LEMD3: variants seen among roughly 807,000 people sequenced by gnomAD.
LEMD3 encodes the protein inner nuclear membrane protein Man1.
Under a neutral mutation model 95.2 loss-of-function variants are expected in LEMD3, and 33 were observed. The ratio of observed to expected loss-of-function variants is 0.35; its 90% CI spans 0.26 to 0.46. The LOEUF is 0.46. Ranked by LOEUF, LEMD3 falls within the 20% of genes least tolerant of loss-of-function variation. The pLI, the probability that LEMD3 is intolerant of heterozygous loss-of-function variation, is 1.00. For missense variants in LEMD3, 1,210 were observed against 1,192.8 expected (o/e 1.01, Z -0.21); for synonymous variants, 525 against 474.6 (o/e 1.11, Z -1.38).
chr12:65,247,002 G>A lies in LEMD3; in HGVS notation c.*677G>A, dbSNP rs1358358190. ...TTCCATTTTATTCATAATCTAATGT[G>A]TGTGTATATATGTATGTGTGTATGT... On this transcript the variant is annotated 3_prime_UTR_variant, in exon 13 of 13. Coordinates refer to ENST00000308330, the MANE Select transcript of LEMD3 (RefSeq NM_014319.5). The A allele has an allele frequency of 6.5e-6, 1 of 153,866 alleles. No homozygotes were observed. The highest frequency in any genetic ancestry group is 2.4e-5 in the African/African-American group (1 of 41,372). 9.5% of individuals were successfully genotyped at this position (153,866 alleles called of 1,614,324 possible). A position where few individuals can be genotyped will look rare whatever the true frequency, so the allele number is the denominator to read the frequency against.
At chr12:65,203,807 A>G (rs542043360) in intron 1 of LEMD3, among the ~76,000 whole-genome samples, 2 of 152,122 alleles carry the variant, frequency 1.3e-5, no homozygotes, top group South Asian at 2.1e-4. Flanking sequence ...ATATTTTGAT[A>G]CTTTGTTGTT....
intron 1 of LEMD3, among the ~76,000 whole-genome samples, chr12:65,207,303 A>G (rs1419209294): frequency 1.3e-5 from 2 of 152,110 alleles, no homozygotes; most frequent in Non-Finnish European, 2.9e-5. Flanking sequence ...CAGCATGTGC[A>G]TAGTACACAG....
intron 4 of LEMD3, among the ~76,000 whole-genome samples, chr12:65,236,902 T>C (rs1870790666): frequency 1.3e-5 from 2 of 152,138 alleles, no homozygotes; most frequent in Non-Finnish European, 2.9e-5. Flanking sequence ...ATGTGTAATA[T>C]GATACCACAT....
At chr12:65,227,952 T>C (rs1565795619) in intron 4 of LEMD3, among the ~76,000 whole-genome samples, 2 of 152,164 alleles carry the variant, frequency 1.3e-5, no homozygotes, top group African/African-American at 4.8e-5. Flanking sequence ...ATATTGACTC[T>C]ATTCAGTATT....
chr12:65,222,501 G>A (rs907523917), intron 4 of LEMD3, among the ~76,000 whole-genome samples: 3 of 152,020 alleles, frequency 2.0e-5, no homozygotes, highest in African/African-American at 7.2e-5. Flanking sequence ...AATAGGATTG[G>A]CATTAATTCT....
chr12:65,239,887 T>C (rs374921219), intron 6 of LEMD3, 42 bp from the exon 7 acceptor site: 244 of 1,329,228 alleles, frequency 1.8e-4, no homozygotes, highest in Admixed American at 1.3e-3. Flanking sequence ...TTGAATGATA[T>C]TGACCACAAT....
chr12:65,187,162 G>A (rs763092809), intron 1 of LEMD3, among the ~76,000 whole-genome samples: 1 of 152,066 alleles, frequency 6.6e-6, no homozygotes, highest in Non-Finnish European at 1.5e-5. Flanking sequence ...GGTTTTAGAA[G>A]CCATTAGCTA....
At chr12:65,244,885 A>G (rs1423900726) in intron 10 of LEMD3, among the ~76,000 whole-genome samples, 2 of 152,068 alleles carry the variant, frequency 1.3e-5, no homozygotes, top group Non-Finnish European at 2.9e-5. Flanking sequence ...TGGGAGGCAC[A>G]TATTGCAGTG....
intron 1 of LEMD3, among the ~76,000 whole-genome samples, chr12:65,196,346 C>T (rs1310573413): frequency 6.6e-6 from 1 of 151,994 alleles, no homozygotes; most frequent in African/African-American, 2.4e-5. Flanking sequence ...AAACCCCAAA[C>T]AGAACTCTTG....
intron 1 of LEMD3, among the ~76,000 whole-genome samples, chr12:65,175,361 T>C (rs1868685288): frequency 6.6e-6 from 1 of 152,184 alleles, no homozygotes; most frequent in Non-Finnish European, 1.5e-5. Context: ...AAAATGTTGC[T>C]CTTCTGTGCT....
chr12:65,172,627 G>A (rs1242414570), intron 1 of LEMD3, among the ~76,000 whole-genome samples: 1 of 151,886 alleles, frequency 6.6e-6, no homozygotes, highest in Non-Finnish European at 1.5e-5. Flanking sequence ...CACACTAGAA[G>A]TTAAACAAGT....
chr12:65,243,365 TA>T (rs1162037827), intron 9 of LEMD3, 22 bp from the exon 10 acceptor site: 7 of 1,383,928 alleles, frequency 5.1e-6, no homozygotes, highest in Non-Finnish European at 7.2e-6. Context: ...TGTCAAATAG[TA>T]AAACTAACTT....
At chr12:65,212,536 C>CA (rs35873080) in intron 2 of LEMD3, among the ~76,000 whole-genome samples, 3,484 of 103,376 alleles carry the variant, frequency 0.034, 152 homozygotes, top group East Asian at 0.18. Context: ...GACTCCATCT[C>CA]AAAAAAAAAA....
rs796455128 is a variant in LEMD3 at position 65,244,294 on chromosome 12, A to C, written c.2387+825A>C. ...ACACACACACACACACACCCCCCCC[A>C]CACACACAGAGACAAACACCGCCTC... On this transcript the variant is annotated intron_variant, in intron 10 of 12. Transcript: ENST00000308330. Among the ~76,000 whole-genome samples the C allele has an allele frequency of 4.1e-3, 539 of 131,772 alleles. 2 individuals are homozygous for C. The highest frequency in any genetic ancestry group is 0.011 in the African/African-American group (431 of 38,044). 86.4% of individuals were successfully genotyped at this position (131,772 alleles called of 152,430 possible).
chr12:65,197,793 C>G (rs1869478390), intron 1 of LEMD3, among the ~76,000 whole-genome samples: 1 of 152,056 alleles, frequency 6.6e-6, no homozygotes, highest in African/African-American at 2.4e-5. Flanking sequence ...CCTTTTTTAT[C>G]AGACCTCTGC....
intron 1 of LEMD3, among the ~76,000 whole-genome samples, chr12:65,172,800 ACTGCAAC>A (rs1868596970): frequency 1.3e-5 from 2 of 150,032 alleles, no homozygotes; most frequent in African/African-American, 4.9e-5. Context: ...ATCTCTGGTC[ACTGCAAC>A]CTCCGCCTCC....
chr12:65,209,602 CTTCTCCCTA>C (rs1356149612), intron 1 of LEMD3, among the ~76,000 whole-genome samples: 1 of 151,974 alleles, frequency 6.6e-6, no homozygotes, highest in African/African-American at 2.4e-5. Context: ...TATATTATTT[CTTCTCCCTA>C]TTCCCCTTTT....
intron 1 of LEMD3, among the ~76,000 whole-genome samples, chr12:65,209,876 C>T (rs979197213): frequency 6.6e-6 from 1 of 151,962 alleles, no homozygotes; most frequent in East Asian, 1.9e-4. Flanking sequence ...AAAAGCATCT[C>T]AGAAAGGAAA....
At chr12:65,220,951 A>G (rs1464820301) in intron 4 of LEMD3, among the ~76,000 whole-genome samples, 2 of 152,092 alleles carry the variant, frequency 1.3e-5, no homozygotes, top group East Asian at 1.9e-4. Context: ...TGCTAGTACT[A>G]TACTGTTTTG....
Sources: allele counts gnomAD v4.1 joint callset (sites outside exome capture counted in the v4.1 genomes callset), GRCh38; gene constraint gnomAD v4.1.1; transcripts MANE v1.5; gene names NCBI Gene and HGNC (gene_info 2026-07-23, HGNC 2026-07-21).